Variants in NXN observed in about 807,000 individuals in gnomAD.
NXN encodes the protein nucleoredoxin.
Under a neutral mutation model 48.6 loss-of-function variants are expected in NXN, and 16 were observed. The ratio of observed to expected loss-of-function variants is 0.33; its 90% CI spans 0.22 to 0.50. The LOEUF is 0.50. NXN is among the 20% of genes least tolerant of loss of function. NXN has a pLI of 0.98. For missense variants in NXN, 492 were observed against 605.5 expected, an observed-to-expected ratio of 0.81 and a Z score of 1.97; for synonymous variants, 281 against 269.6, an observed-to-expected ratio of 1.04 and a Z score of -0.41.
chr17:941,321 C>T (rs1196945316), intron 1 of NXN, among the ~76,000 whole-genome samples: 33 of 117,634 alleles, frequency 2.8e-4, no homozygotes, highest in South Asian at 6.2e-4. Flanking sequence ...GATTCCAGGG[C>T]GCAGCCATGA....
chr17:832,376 C>T (rs370318854), intron 1 of NXN, among the ~76,000 whole-genome samples: 6 of 150,076 alleles, frequency 4.0e-5, no homozygotes, highest in African/African-American at 7.4e-5. Context: ...TTAGTAGAGA[C>T]GGGGTTTCAC....
chr17:859,339 G>C (rs2068018757), intron 1 of NXN, among the ~76,000 whole-genome samples: 1 of 152,188 alleles, frequency 6.6e-6, no homozygotes, highest in Non-Finnish European at 1.5e-5. Context: ...AGGAATACTG[G>C]AGCGATTCCG....
intron 5 of NXN, among the ~76,000 whole-genome samples, chr17:813,022 CACGCGTGTGT>C (rs949201079): frequency 2.1e-4 from 32 of 151,732 alleles, no homozygotes; most frequent in African/African-American, 7.5e-4. Flanking sequence ...AGGTTGTGTG[CACGCGTGTGT>C]GAATGTGTGA....
intron 1 of NXN, among the ~76,000 whole-genome samples, chr17:969,748 C>G (rs1490041140): frequency 1.3e-5 from 2 of 152,000 alleles, no homozygotes; most frequent in Non-Finnish European, 1.5e-5. Flanking sequence ...AGATTTTTAT[C>G]CCAGGCATAT....
intron 1 of NXN, among the ~76,000 whole-genome samples, chr17:963,195 A>T (rs2069258077): frequency 6.9e-6 from 1 of 145,712 alleles, no homozygotes; most frequent in African/African-American, 2.7e-5. Context: ...AAAAAAAAAA[A>T]GGTATAGGTA....
chr17:909,098 CAAAAAAAAAAAAAAAAA>C (rs59822805), intron 1 of NXN, among the ~76,000 whole-genome samples: 74,687 of 119,482 alleles, frequency 0.63, 20,290 homozygotes, highest in Admixed American at 0.73. Flanking sequence ...GACTTCGTCT[CAAAAAAAAAAAAAAAAA>C]AAAAAAAAAA....
chr17:801,349 A>C (rs914901073), intron 7 of NXN, among the ~76,000 whole-genome samples: 2 of 151,882 alleles, frequency 1.3e-5, no homozygotes, highest in African/African-American at 4.8e-5. Flanking sequence ...CGCCCTGCAA[A>C]CCACTAGGTA....
At chr17:955,883 C>T (rs1335086225) in intron 1 of NXN, among the ~76,000 whole-genome samples, 1 of 150,156 alleles carries the variant, frequency 6.7e-6, no homozygotes, top group Non-Finnish European at 1.5e-5. Context: ...GCCTGGGCGA[C>T]AGAGCGAGAC....
At chr17:840,426 A>G (rs1223084624) in intron 1 of NXN, among the ~76,000 whole-genome samples, 1 of 150,538 alleles carries the variant, frequency 6.6e-6, no homozygotes, top group Admixed American at 6.6e-5. Context: ...TGCAAGCTCC[A>G]CCTCCCGGGT....
intron 1 of NXN, among the ~76,000 whole-genome samples, chr17:841,215 C>T (rs1430217183): frequency 6.6e-6 from 1 of 152,236 alleles, no homozygotes; most frequent in Non-Finnish European, 1.5e-5. Context: ...CTCATGTGGG[C>T]CCTTCCAGAT....
intron 1 of NXN, among the ~76,000 whole-genome samples, chr17:890,602 C>G (rs889731063): frequency 1.3e-5 from 2 of 151,508 alleles, no homozygotes; most frequent in African/African-American, 2.4e-5. Flanking sequence ...AGGATGGTCT[C>G]GATCTCCTGA....
At chr17:951,293 T>G (rs2069107658) in intron 1 of NXN, among the ~76,000 whole-genome samples, 2 of 146,788 alleles carry the variant, frequency 1.4e-5, no homozygotes, top group Admixed American at 7.0e-5. Flanking sequence ...GAGGTTGCAG[T>G]GAGTTGAGAT....
chr17:917,678 G>T lies in NXN; in HGVS notation c.360+61641C>A, dbSNP rs562810173. 9.2e-5 allele frequency among the ~76,000 whole-genome samples: 14 copies of T among 152,332 alleles called. No individual in the cohort carries two copies. Among genetic ancestry groups the T allele is most frequent in the African/African-American group, 3.4e-4 (14 of 41,584 alleles). ...AACCCAATGTAGGCCACCCGCTGCA[G>T]GCGAGCTTCCCTACCCAATCCGACC... On this transcript the variant is annotated intron_variant, in intron 1 of 7. Coordinates refer to ENST00000336868, the MANE Select transcript of NXN (RefSeq NM_022463.5). The surrounding 1 kb of genome is among the most constrained non-coding windows in gnomAD (Gnocchi z 4.5).
chr17:924,852 A>C (rs555884306), intron 1 of NXN, among the ~76,000 whole-genome samples: 2 of 152,272 alleles, frequency 1.3e-5, no homozygotes, highest in Non-Finnish European at 2.9e-5. Context: ...TTCATCTGCG[A>C]AACTCCCATC....
rs148622194 is a variant in NXN at position 805,548 on chromosome 17, G to A, written c.821-301C>T. 5.3e-5 allele frequency among the ~76,000 whole-genome samples: 8 copies of A among 152,156 alleles called. No homozygotes were observed. The East Asian group carries it at 9.6e-4, about 18-fold the overall frequency. On this transcript the variant is annotated intron_variant, in intron 5 of 7. Coordinates refer to ENST00000336868, the MANE Select transcript of NXN (RefSeq NM_022463.5). ...TGTGTTGTCGTTCCTACCTTATTCC[G>A]CTACAGAAAGATCAATGAGTTCATG...
chr17:941,913 A>G (rs540128574), intron 1 of NXN, among the ~76,000 whole-genome samples: 761 of 55,004 alleles, frequency 0.014, 142 homozygotes, highest in African/African-American at 0.066. Flanking sequence ...CTCACATCAC[A>G]CCTTCCTGGA....
chr17:802,937 A>AGTGGGGTGGG (rs1021822442), intron 7 of NXN, among the ~76,000 whole-genome samples: 1 of 40,046 alleles, frequency 2.5e-5, no homozygotes, highest in African/African-American at 1.1e-4. Context: ...TCTGTCAGTC[A>AGTGGGGTGGG]GTGGGGTGGG....
chr17:916,856 C>T (rs918335167), intron 1 of NXN, among the ~76,000 whole-genome samples: 1 of 152,088 alleles, frequency 6.6e-6, no homozygotes, highest in Non-Finnish European at 1.5e-5. Context: ...TGAGGTTATG[C>T]CATTGCACTC....
In NXN at chr17:840,094, C is replaced by CA. The variant is rs202070104; in HGVS notation, c.361-14017dup. ...CGTGGGCGACAGAGCGAGACTGTCT[C>CA]AAAAAAAAAAAAAAGAGAGAGAGAG... On this transcript the variant is annotated intron_variant, in intron 1 of 7. Transcript: ENST00000336868. Among the ~76,000 whole-genome samples, 446 of 128,082 alleles carry CA rather than the reference C, an allele frequency of 3.5e-3. 4 individuals are homozygous for CA. The highest frequency in any genetic ancestry group is 0.02 in the East Asian group (81 of 3,998). 84.0% of individuals were successfully genotyped at this position (128,082 alleles called of 152,430 possible). A position where few individuals can be genotyped will look rare whatever the true frequency, so the allele number is the denominator to read the frequency against.
Sources: gnomAD v4.1 joint callset for allele counts (sites outside exome capture counted in the v4.1 genomes callset) on GRCh38, gnomAD v4.1.1 for gene constraint, Gnocchi (gnomAD v3.1) non-coding constraint, MANE v1.5 for transcripts, NCBI Gene and HGNC (gene_info 2026-07-23, HGNC 2026-07-21) for gene names.